The following FLG variants were observed in gnomAD, a reference collection of about 807,000 sequenced individuals.
FLG encodes the protein epidermal filaggrin.
A neutral mutation model predicts 3.8 loss-of-function variants in FLG; 6 were observed. The observed-to-expected ratio is 1.60, with a 90% CI of 0.87 to 3.15. The LOEUF is 3.15. FLG is among the 30% of genes most tolerant of loss of function. The probability of loss-of-function intolerance (pLI) is 0.00; values close to 1 mark genes in which losing one functional copy is unlikely to be tolerated. For synonymous variants in FLG, 2,551 were observed against 1,931.6 expected, an observed-to-expected ratio of 1.32 and a Z score of -8.41; for missense variants, 7,595 against 5,050.9, an observed-to-expected ratio of 1.50 and a Z score of -15.27.
chr1:152,317,537 T>C (rs1652827280), intron 1 of FLG, among the ~76,000 whole-genome samples: 1 of 152,094 alleles, frequency 6.6e-6, no homozygotes. Flanking sequence ...CCTGGCACTC[T>C]CAAGTTTCTC....
rs754231098 is a variant in FLG at position 152,310,943 on chromosome 1, C to G, written c.3943G>C (p.Asp1315His). The G allele has an allele frequency of 2.5e-6, 4 of 1,613,856 alleles. No homozygotes were observed. The highest frequency in any genetic ancestry group is 1.3e-5 in the African/African-American group (1 of 74,832). ...GSRHPGFHQE[D>H]RASHGHSADS... is the part of the protein sequence containing the mutation. ...GCAGAGTGCCCGTGACTGGCTCTGT[C>G]TTCTTGATGGAACCCAGGGTGTCTG... The change falls in exon 3 of 3, where the codon GAC (aspartate) becomes CAC (histidine). Residue 1315 changes from aspartate to histidine, a missense_variant. Transcript: ENST00000368799.
At position 152,302,858 on chromosome 1, in the gene FLG, C is replaced by T. The variant is rs1487798478; in HGVS notation, c.12028G>A (p.Glu4010Lys). 7 of 1,614,166 alleles carry T rather than the reference C, an allele frequency of 4.3e-6. No individual in the cohort carries two copies. The highest frequency in any genetic ancestry group is 5.9e-6 in the Non-Finnish European group (7 of 1,180,024). ...CTTGCTTTACAGATATCAGATCTTTCCTTGAAAACAACAGGATTGGAATTG... is the reference window on the plus strand; with the variant it reads ...CTTGCTTTACAGATATCAGATCTTTTCTTGAAAACAACAGGATTGGAATTG... The part of the protein sequence containing the change: ...SYNSNPVVFK[E>K]RSDICKASAF... The change falls in exon 3 of 3, where the codon GAA (glutamate) becomes AAA (lysine). Residue 4010 changes from glutamate (E) to lysine (K), a missense_variant. By Grantham distance (56) the Glu-to-Lys change is moderately conservative. Coordinates refer to ENST00000368799, the MANE Select transcript of FLG (RefSeq NM_002016.2).
At chr1:152,324,577 C>G (rs1653085812) in intron 1 of FLG, among the ~76,000 whole-genome samples, 1 of 151,904 alleles carries the variant, frequency 6.6e-6, no homozygotes, top group African/African-American at 2.4e-5. Flanking sequence ...CATCACTTTA[C>G]TACAAGCTTG....
Position 152,323,202 on chromosome 1 carries a change from G to A in FLG, c.-22+1987C>T, listed in dbSNP as rs1260717201. Reference sequence around the variant, plus strand: ...TTGATTTTACATGTAAGAGATAAACGAAGATAACATTGGAGAATATCTTCA... The same window carrying A: ...TTGATTTTACATGTAAGAGATAAACAAAGATAACATTGGAGAATATCTTCA... On this transcript the variant is annotated intron_variant, in intron 1 of 2. Transcript: ENST00000368799. Among the ~76,000 whole-genome samples, 6 of 151,642 alleles carry A rather than the reference G, an allele frequency of 4.0e-5. No homozygotes were observed. The South Asian group carries it at 8.3e-4, about 21-fold the overall frequency.
Position 152,313,186 on chromosome 1 carries a change from G to A in FLG, c.1700C>T (p.Ala567Val), listed in dbSNP as rs1302363547. 1.2e-6 allele frequency: 2 copies of A among 1,613,708 alleles called. No homozygotes were observed. The highest frequency in any genetic ancestry group is 1.7e-5 in the Admixed American group (1 of 59,974). ...ASHGQSGSRSASRQTRNEEQS... is the reference protein window; with the variant it reads ...ASHGQSGSRSVSRQTRNEEQS... The stretch of plus-strand genomic sequence containing the variant: ...TTCCTCATTTCGTGTTTGTCTGCTT[G>A]CACTTCTGGATCCTGACTGCCCATG... Residue 567 changes from alanine (A) to valine (V), a missense_variant, in exon 3 of 3, where the codon GCA (alanine) becomes GTA (valine). Transcript: ENST00000368799.
rs1390413639 is a variant in FLG at position 152,309,636 on chromosome 1, G to A, written c.5250C>T (p.Ser1750=). 2 of 1,613,648 alleles carry A rather than the reference G, an allele frequency of 1.2e-6. No individual in the cohort carries two copies. The change falls in exon 3 of 3, where the codon TCC becomes TCT. Residue 1750 remains serine (S), a synonymous_variant. Transcript: ENST00000368799. ...ACCTTTCCCCTGACTGGCCACGTGTGGACTCTTGGTGGCTCTGCTGATGGG... is the reference window on the plus strand; with the variant it reads ...ACCTTTCCCCTGACTGGCCACGTGTAGACTCTTGGTGGCTCTGCTGATGGG... ...AGPHQQSHQE[S]TRGQSGERSG...
chr1:152,307,310 C>T lies in FLG; in HGVS notation c.7576G>A (p.Gly2526Ser), dbSNP rs200630144. 30 of 1,613,116 alleles carry T rather than the reference C, an allele frequency of 1.9e-5. No individual in the cohort carries two copies. Among genetic ancestry groups the T allele is most frequent in the African/African-American group, 4.0e-5 (3 of 74,510 alleles). ...QTRNDEQSGD[G>S]SRHSGSRHHE... ...TGACGCGACCCTGAGTGCCTGGAGC[C>T]GTCTCCTGATTGTTCATCGTTACGA... Residue 2526 changes from glycine (G) to serine (S), a missense_variant, in exon 3 of 3, where the codon GGC (glycine) becomes AGC (serine). Physicochemically the swap from Gly to Ser is moderately conservative, Grantham distance 56 (BLOSUM62 0). Coordinates refer to ENST00000368799, the MANE Select transcript of FLG (RefSeq NM_002016.2).
rs1440197655 is a variant in FLG at position 152,306,373 on chromosome 1, C to T, written c.8513G>A (p.Ser2838Asn). The T allele has an allele frequency of 4.4e-6, 7 of 1,602,372 alleles. No homozygotes were observed. Among genetic ancestry groups the T allele is most frequent in the South Asian group, 1.1e-5 (1 of 91,046 alleles). Residue 2838 changes from serine (S) to asparagine (N), a missense_variant, in exon 3 of 3, where the codon AGC becomes AAC. Physicochemically the swap from Ser to Asn is conservative, Grantham distance 46. Coordinates refer to ENST00000368799, the MANE Select transcript of FLG (RefSeq NM_002016.2). ...SRGQSGSRSA[S>N]RTTRNEEQSG... ...TTGTTCCTCATTACGTGTTGTTCTG[C>T]TTGCACTTCTGGATCCTGACTGCCC... is the stretch of plus-strand genomic sequence containing the variant.
chr1:152,312,950 G>C lies in FLG; in HGVS notation c.1936C>G (p.His646Asp). 1 of 1,614,006 alleles carries C rather than the reference G, an allele frequency of 6.2e-7. No individual in the cohort carries two copies. Among genetic ancestry groups the C allele is most frequent in the Middle Eastern group, 1.7e-4 (1 of 6,060 alleles). ...CTTGACTGCTCCTGAGCAGATCCATGATGGTTTCTGGAAGCAGACCCAGAC... is the reference window on the plus strand; with the variant it reads ...CTTGACTGCTCCTGAGCAGATCCATCATGGTTTCTGGAAGCAGACCCAGAC... ...RWSGSASRNH[H>D]GSAQEQSRDG... Residue 646 changes from histidine (H) to aspartate (D), a missense_variant, in exon 3 of 3, where the codon CAT becomes GAT. His to Asp is a moderately conservative substitution (Grantham distance 81). Coordinates refer to ENST00000368799, the MANE Select transcript of FLG (RefSeq NM_002016.2).
rs745686686 is a variant in FLG at position 152,313,317 on chromosome 1, G to C, written c.1569C>G (p.Ser523Arg). The change falls in exon 3 of 3, where the codon AGC becomes AGG. Residue 523 changes from serine to arginine, a missense_variant. Coordinates refer to ENST00000368799, the MANE Select transcript of FLG (RefSeq NM_002016.2). ...GGTGGGATCCCTGCCTTCCTCCTCT[G>C]CTTGACCCCGGGTGTCCACGAATGG... is the stretch of plus-strand genomic sequence containing the variant. ...QDTIRGHPGS[S>R]RGGRQGSHHE... 7.4e-6 allele frequency: 12 copies of C among 1,613,572 alleles called. No individual in the cohort carries two copies. The African/African-American group carries it at 1.2e-4, about 16-fold the overall frequency.
chr1:152,302,899 T>A lies in FLG; in HGVS notation c.11987A>T (p.His3996Leu). 6.2e-7 allele frequency: 1 copy of A among 1,614,196 alleles called. No homozygotes were observed. Among genetic ancestry groups the A allele is most frequent in the Non-Finnish European group, 8.5e-7 (1 of 1,180,022 alleles). The change falls in exon 3 of 3, where the codon CAC becomes CTC. Residue 3996 changes from histidine to leucine, a missense_variant. Physicochemically the swap from His to Leu is moderately conservative, Grantham distance 99. Transcript: ENST00000368799. ...ATTGGAATTGTAACTAACACTTCCG[T>A]GCTGAGAGTGTCTAAACCCGGATTC... is the stretch of plus-strand genomic sequence containing the variant. ...YGESGFRHSQ[H>L]GSVSYNSNPV...
intron 2 of FLG, 129 bp from the exon 3 acceptor site, chr1:152,314,876 TTAA>T: frequency 1.7e-6 from 2 of 1,186,094 alleles, no homozygotes; most frequent in Non-Finnish European, 2.4e-6. Flanking sequence ...TTTTTTTTTT[TTAA>T]GACTTTTTTG....
At position 152,302,504 on chromosome 1, in the gene FLG, T is replaced by C; in HGVS notation, c.*196A>G. On this transcript the variant is annotated 3_prime_UTR_variant, in exon 3 of 3. Transcript: ENST00000368799. ...CATGATATTGATTTCTTCCATTTAA[T>C]ATTTCTGAAATATAGCGTTTAAAGA... The C allele has an allele frequency of 1.5e-6, 1 of 687,186 alleles. No individual in the cohort carries two copies. The highest frequency in any genetic ancestry group is 2.0e-5 in the South Asian group (1 of 49,520). The allele number at this position is 687,186 out of a possible 1,614,324, so 42.6% of individuals were successfully genotyped here.
chr1:152,304,387 C>T lies in FLG; in HGVS notation c.10499G>A (p.Arg3500Lys). 5 of 1,611,880 alleles carry T rather than the reference C, an allele frequency of 3.1e-6. No homozygotes were observed. The highest frequency in any genetic ancestry group is 1.7e-4 in the Middle Eastern group (1 of 6,052). The change falls in exon 3 of 3, where the codon AGG becomes AAG. Residue 3500 changes from arginine (R) to lysine (K), a missense_variant. Transcript: ENST00000368799. Reference protein sequence around the residue: ...RNDEQSGDGSRHSWSHHHEAS... With the variant: ...RNDEQSGDGSKHSWSHHHEAS... ...TTCATGGTGATGCGACCATGAGTGC[C>T]TGGAGCCATCTCCTGATTGTTCGTC...
rs530189443 is a variant in FLG at position 152,307,132 on chromosome 1, C to T, written c.7754G>A (p.Gly2585Glu). 1 of 1,612,118 alleles carries T rather than the reference C, an allele frequency of 6.2e-7. No homozygotes were observed. The highest frequency in any genetic ancestry group is 8.5e-7 in the Non-Finnish European group (1 of 1,179,888). ...TCCATGATGGTTTCTGGAAGCAGAC[C>T]CAGACCACCTCTCAGAGTCTTCTGA... ...GHSEDSERWS[G>E]SASRNHHGSA... Residue 2585 changes from glycine to glutamate, a missense_variant, in exon 3 of 3, where the codon GGG (glycine) becomes GAG (glutamate). By Grantham distance (98) the Gly-to-Glu change is moderately conservative. Coordinates refer to ENST00000368799, the MANE Select transcript of FLG (RefSeq NM_002016.2).
rs1651952611 is a variant in FLG at position 152,306,205 on chromosome 1, T to A, written c.8681A>T (p.Asp2894Val). 1 of 1,603,662 alleles carries A rather than the reference T, an allele frequency of 6.2e-7. No homozygotes were observed. Among genetic ancestry groups the A allele is most frequent in the Admixed American group, 1.7e-5 (1 of 59,898 alleles). ...TTCTGAATGTCCCTCACTGTCACTG[T>A]CCTGGCTCACACTGGATCCCTGGCG... ...SRRQGSSVSQ[D>V]SDSEGHSEDS... is the part of the protein sequence containing the mutation. The change falls in exon 3 of 3, where the codon GAC becomes GTC. Residue 2894 changes from aspartate to valine, a missense_variant. By Grantham distance (152) the Asp-to-Val change is radical. Transcript: ENST00000368799.
chr1:152,316,255 C>A (rs896469846), intron 1 of FLG, among the ~76,000 whole-genome samples: 3 of 151,938 alleles, frequency 2.0e-5, no homozygotes, highest in African/African-American at 4.8e-5. Context: ...ATTTTTGGAC[C>A]TTGGTTTGTT....
At position 152,309,545 on chromosome 1, in the gene FLG, G is replaced by A. The variant is rs201021216; in HGVS notation, c.5341C>T (p.Arg1781Cys). The change falls in exon 3 of 3, where the codon CGC becomes TGC. Residue 1781 changes from arginine (R) to cysteine (C), a missense_variant. Arg to Cys is a radical substitution (Grantham distance 180). Transcript: ENST00000368799. The part of the protein sequence containing the change: ...THEQSESAHG[R>C]TGPSTGGRQR... ...CTTCCTCCAGTGCTGGGCCCTGTGC[G>A]TCCATGGGCGGACTCAGACTGTTCA... 8.0e-5 allele frequency: 129 copies of A among 1,613,766 alleles called. No homozygotes were observed. Among genetic ancestry groups the A allele is most frequent in the East Asian group, 8.9e-5 (4 of 44,816 alleles).
At position 152,310,220 on chromosome 1, in the gene FLG, G is replaced by T. The variant is rs1305047493; in HGVS notation, c.4666C>A (p.His1556Asn). Residue 1556 changes from histidine to asparagine, a missense_variant, in exon 3 of 3, where the codon CAC becomes AAC. Coordinates refer to ENST00000368799, the MANE Select transcript of FLG (RefSeq NM_002016.2). ...NEEQSGDGSRHSGSRHHEPST... is the reference protein window; with the variant it reads ...NEEQSGDGSRNSGSRHHEPST... ...GGTTCATGGTGACGTGACCCTGAGTGCCTGGAGCCGTCTCCTGATTGTTCC... is the reference window on the plus strand; with the variant it reads ...GGTTCATGGTGACGTGACCCTGAGTTCCTGGAGCCGTCTCCTGATTGTTCC... 6.2e-7 allele frequency: 1 copy of T among 1,613,838 alleles called. No homozygotes were observed. The highest frequency in any genetic ancestry group is 8.5e-7 in the Non-Finnish European group (1 of 1,179,978).
Sources: allele counts gnomAD v4.1 joint callset (sites outside exome capture counted in the v4.1 genomes callset), GRCh38; gene constraint gnomAD v4.1.1; transcripts MANE v1.5; gene names NCBI Gene and HGNC (gene_info 2026-07-23, HGNC 2026-07-21).